RNF212B: variants seen among roughly 807,000 people sequenced by gnomAD.
RNF212B encodes the protein E3 ubiquitin-protein ligase RNF212B.
RNF212B carries 52 observed loss-of-function variants against 55.5 expected under a neutral mutation model. That is an observed-to-expected ratio of 0.94 (90% CI 0.75 to 1.18). The LOEUF (loss-of-function observed/expected upper bound fraction) is 1.18. RNF212B is among the 50% of genes most tolerant of loss of function. The pLI is 0.00. For missense variants in RNF212B, 289 were observed against 350.4 expected (o/e 0.82, Z 1.40); for synonymous variants, 99 against 121.4 (o/e 0.82, Z 1.21).
At chr14:23,263,042 A>C in intron 9 of RNF212B, 72 bp downstream of exon 9, 3 of 1,339,568 alleles carry the variant, frequency 2.2e-6, no homozygotes, top group South Asian at 2.5e-5. Context: ...GTTGTAGCTC[A>C]GATTGGGACT....
chr14:23,226,904 G>C (rs531587713), intron 2 of RNF212B, among the ~76,000 whole-genome samples: 1 of 149,444 alleles, frequency 6.7e-6, no homozygotes, highest in East Asian at 2.0e-4. Context: ...TGGCCTCTCA[G>C]ACTGCTAAGA....
rs535679797 is a variant in RNF212B at position 23,240,946 on chromosome 14, T to C, written c.100+501T>C. Among the ~76,000 whole-genome samples the C allele has an allele frequency of 2.0e-5, 3 of 152,300 alleles. No individual in the cohort carries two copies. In the South Asian group the frequency reaches 6.2e-4, roughly 32 times the overall value. ...AGGTGGTAATTATTAGTAGAATCAT[T>C]TTACAAATGAAGAGACTGGCTCAGA... On this transcript the variant is annotated intron_variant, in intron 2 of 14. Transcript: ENST00000430154.
chr14:23,254,572 T>G (rs1884666231), intron 4 of RNF212B, among the ~76,000 whole-genome samples: 1 of 152,166 alleles, frequency 6.6e-6, no homozygotes, highest in Admixed American at 6.5e-5. Flanking sequence ...GTGTGTGCTT[T>G]TGGTAGAGAT....
At chr14:23,208,217 A>T (rs1378182505) in intron 2 of RNF212B, among the ~76,000 whole-genome samples, 1 of 152,220 alleles carries the variant, frequency 6.6e-6, no homozygotes, top group East Asian at 1.9e-4. Context: ...TGAGTGTGGC[A>T]CATTTCAAAA....
In RNF212B at chr14:23,262,722, T is replaced by C; in HGVS notation, c.481+11T>C. ...CCCCATCACAGTCAGGTGGAGAACA[T>C]TTTTCCCCTAAATATCTGTGTGAGA... On this transcript the variant is annotated intron_variant, in intron 8 of 14. Coordinates refer to ENST00000430154, the MANE Select transcript of RNF212B (RefSeq NM_001282322.3). The C allele has an allele frequency of 6.5e-7, 1 of 1,548,050 alleles. No individual in the cohort carries two copies. Among genetic ancestry groups the C allele is most frequent in the Non-Finnish European group, 8.7e-7 (1 of 1,144,908 alleles).
chr14:23,208,757 G>GTTTTTTT lies in RNF212B; in HGVS notation c.-2+15369_-2+15375dup, dbSNP rs1166613606. On this transcript the variant is annotated intron_variant, in intron 2 of 15. Transcript: ENST00000399910. ...GCAGTCCCAAGGGCTGCTGGTTGCC[G>GTTTTTTT]TTTTTTTTTTTTTTTTTTTGAGACG... Among the ~76,000 whole-genome samples the GTTTTTTT allele has an allele frequency of 1.4e-3, 140 of 98,112 alleles. 12 individuals carry two copies. The highest frequency in any genetic ancestry group is 3.6e-3 in the East Asian group (11 of 3,080). The allele number at this position is 98,112 out of a possible 152,430, so 64.4% of individuals were successfully genotyped here. A position where few individuals can be genotyped will look rare whatever the true frequency, so the allele number is the denominator to read the frequency against.
chr14:23,201,509 G>C (rs1879284008), intron 2 of RNF212B, among the ~76,000 whole-genome samples: 2 of 152,086 alleles, frequency 1.3e-5, no homozygotes, highest in African/African-American at 2.4e-5. Context: ...TACAAATACA[G>C]CTCAAAGAAA....
chr14:23,197,111 T>C (rs1402318591), intron 2 of RNF212B, among the ~76,000 whole-genome samples: 1 of 152,228 alleles, frequency 6.6e-6, no homozygotes, highest in Non-Finnish European at 1.5e-5. Context: ...TGGTAACACT[T>C]GGTGGACAGT....
intron 2 of RNF212B, among the ~76,000 whole-genome samples, chr14:23,214,921 T>G (rs1042691875): frequency 2.6e-5 from 4 of 152,154 alleles, no homozygotes; most frequent in Non-Finnish European, 4.4e-5. Flanking sequence ...TGCCAAGACA[T>G]ATCATAATTA....
intron 4 of RNF212B, 112 bp from the exon 5 acceptor site, chr14:23,258,430 TGTTCTAG>T (rs1885020804): frequency 4.5e-6 from 2 of 443,742 alleles, no homozygotes; most frequent in Non-Finnish European, 8.0e-6. Flanking sequence ...TTAGGCCAGA[TGTTCTAG>T]AAGAAAATGA....
intron 4 of RNF212B, among the ~76,000 whole-genome samples, chr14:23,251,479 T>C (rs1884397297): frequency 6.6e-6 from 1 of 152,094 alleles, no homozygotes; most frequent in Non-Finnish European, 1.5e-5. Flanking sequence ...CTCACAGAAC[T>C]CAGAAAAGTA....
intron 9 of RNF212B, 80 bp downstream of exon 9, chr14:23,263,050 A>G (rs1939107712): frequency 7.7e-7 from 1 of 1,304,126 alleles, no homozygotes; most frequent in Admixed American, 2.0e-5. Flanking sequence ...TCAGATTGGG[A>G]CTGATGAAAT....
At chr14:23,235,411 A>C (rs1040865382), upstream of RNF212B, among the ~76,000 whole-genome samples, 9 of 152,172 alleles carry the variant, frequency 5.9e-5, no homozygotes, top group African/African-American at 2.2e-4. Context: ...AACCTGAGCT[A>C]ATCACTTTTT....
At chr14:23,268,781 T>C in intron 11 of RNF212B, 143 bp from the exon 12 acceptor site, 1 of 641,386 alleles carries the variant, frequency 1.6e-6, no homozygotes, top group Non-Finnish European at 2.7e-6. Context: ...ATTTGTGAGC[T>C]TTTTCACTTG....
chr14:23,264,167 T>C lies in RNF212B; in HGVS notation c.525-7T>C. On this transcript the variant is annotated splice_region_variant and splice_polypyrimidine_tract_variant and intron_variant, in intron 9 of 14. Transcript: ENST00000430154. Reference sequence around the variant, plus strand: ...CCTTTTTTTTCTTTTTGTTTCACCTTATACAGTCGGTCCTCCTCAGCGGAA... The same window carrying C: ...CCTTTTTTTTCTTTTTGTTTCACCTCATACAGTCGGTCCTCCTCAGCGGAA... The C allele has an allele frequency of 6.5e-7, 1 of 1,547,618 alleles. No homozygotes were observed. The highest frequency in any genetic ancestry group is 8.7e-7 in the Non-Finnish European group (1 of 1,144,756).
chr14:23,192,752 A>C (rs1878236261), intron 1 of RNF212B, among the ~76,000 whole-genome samples: 1 of 152,188 alleles, frequency 6.6e-6, no homozygotes, highest in Non-Finnish European at 1.5e-5. Context: ...GGTGATAACT[A>C]TGCCTTTATG....
chr14:23,268,332 G>A, intron 11 of RNF212B, among the ~76,000 whole-genome samples: 1 of 152,308 alleles, frequency 6.6e-6, no homozygotes, highest in African/African-American at 2.4e-5. Flanking sequence ...TGCCCTGTTG[G>A]TTTTCAAGGC....
At chr14:23,248,440 C>CTTT (rs34288769) in intron 4 of RNF212B, among the ~76,000 whole-genome samples, 95 of 112,814 alleles carry the variant, frequency 8.4e-4, no homozygotes, top group African/African-American at 2.4e-3. Flanking sequence ...CCCCAAGCCT[C>CTTT]TTTTTTTTTT....
chr14:23,196,621 T>G (rs1878737067), intron 2 of RNF212B, among the ~76,000 whole-genome samples: 1 of 152,038 alleles, frequency 6.6e-6, no homozygotes, highest in African/African-American at 2.4e-5. Context: ...TAAAATATTT[T>G]TATAGAGATG....
Sources: gnomAD v4.1 joint callset for allele counts (sites outside exome capture counted in the v4.1 genomes callset) on GRCh38, gnomAD v4.1.1 for gene constraint, MANE v1.5 for transcripts, NCBI Gene and HGNC (gene_info 2026-07-23, HGNC 2026-07-21) for gene names.